DLG2: variants seen among roughly 807,000 people sequenced by gnomAD.
DLG2 encodes the protein disks large homolog 2.
A neutral mutation model predicts 132.5 loss-of-function variants in DLG2; 45 were observed. That is an observed-to-expected ratio of 0.34 (90% CI 0.27 to 0.44). The LOEUF (loss-of-function observed/expected upper bound fraction) is 0.44, where lower values mean the gene tolerates loss of function less well. Among genes scored for constraint, DLG2 ranks in the 20% least tolerant of loss-of-function variants. The pLI, the probability that DLG2 is intolerant of heterozygous loss-of-function variation, is 1.00. For synonymous variants in DLG2, 424 were observed against 419.6 expected, an observed-to-expected ratio of 1.01 and a Z score of -0.13; for missense variants, 1,045 against 1,196.9, an observed-to-expected ratio of 0.87 and a Z score of 1.87.
intron 15 of DLG2, among the ~76,000 whole-genome samples, chr11:83,909,540 G>A (rs1402911231): frequency 6.6e-6 from 1 of 152,106 alleles, no homozygotes. Flanking sequence ...AAAGCCGTAA[G>A]GTCATATAAT....
chr11:85,189,040 T>C (rs2080330395), intron 4 of DLG2, among the ~76,000 whole-genome samples: 1 of 151,902 alleles, frequency 6.6e-6, no homozygotes, highest in South Asian at 2.1e-4. Context: ...TCTAAATACA[T>C]CACAGAAAAA....
chr11:85,546,867 C>T (rs983218227), intron 3 of DLG2, among the ~76,000 whole-genome samples: 1 of 71,116 alleles, frequency 1.4e-5, no homozygotes, highest in African/African-American at 5.5e-5. Context: ...GTAAATATTT[C>T]TCCATCCCTT....
chr11:85,309,532 G>T (rs553333909), intron 3 of DLG2, among the ~76,000 whole-genome samples: 1 of 151,610 alleles, frequency 6.6e-6, no homozygotes, highest in Non-Finnish European at 1.5e-5. Flanking sequence ...GTTTCTAATT[G>T]TTACTAAGAA....
At chr11:85,251,903 T>C (rs1269138047) in intron 4 of DLG2, among the ~76,000 whole-genome samples, 1 of 152,204 alleles carries the variant, frequency 6.6e-6, no homozygotes, top group African/African-American at 2.4e-5. Context: ...AACCTAATTT[T>C]GTATTGGTAA....
At chr11:85,106,982 T>C (rs1304107415) in intron 6 of DLG2, among the ~76,000 whole-genome samples, 1 of 152,054 alleles carries the variant, frequency 6.6e-6, no homozygotes, top group Non-Finnish European at 1.5e-5. Context: ...CACATTGTTT[T>C]CTGCTATACA....
intron 5 of DLG2, among the ~76,000 whole-genome samples, chr11:85,139,765 C>G (rs1181960760): frequency 6.6e-6 from 1 of 151,940 alleles, no homozygotes; most frequent in Non-Finnish European, 1.5e-5. Context: ...TTTGTATCCT[C>G]CAGCCTACAT....
chr11:84,380,116 C>T (rs2154433682), intron 7 of DLG2, among the ~76,000 whole-genome samples: 1 of 151,914 alleles, frequency 6.6e-6, no homozygotes, highest in Non-Finnish European at 1.5e-5. Context: ...AAAATAAAAA[C>T]ATTTTTGGAC....
chr11:85,529,169 C>A (rs551747932), intron 3 of DLG2, among the ~76,000 whole-genome samples: 1 of 152,258 alleles, frequency 6.6e-6, no homozygotes, highest in African/African-American at 2.4e-5. Context: ...ATCCCTCATT[C>A]CTGCTTTGAG....
chr11:84,203,581 CAAAAA>C (rs58934857), intron 8 of DLG2, among the ~76,000 whole-genome samples: 1 of 99,410 alleles, frequency 1.0e-5, no homozygotes, highest in African/African-American at 4.2e-5. Flanking sequence ...GACTCCGTCT[CAAAAA>C]AAAAAAAAAA....
intron 6 of DLG2, among the ~76,000 whole-genome samples, chr11:84,881,628 A>G (rs555985520): frequency 6.6e-6 from 1 of 152,122 alleles, no homozygotes; most frequent in South Asian, 2.1e-4. Flanking sequence ...AAATGCCCAT[A>G]GCTTTCCCCA....
intron 6 of DLG2, among the ~76,000 whole-genome samples, chr11:84,839,163 A>G (rs1048996851): frequency 1.2e-4 from 18 of 152,130 alleles, no homozygotes; most frequent in Non-Finnish European, 2.1e-4. Context: ...TACAAAATCA[A>G]TGTGCAAAAA....
At chr11:84,972,092 A>G (rs1184438201) in intron 6 of DLG2, among the ~76,000 whole-genome samples, 3 of 152,090 alleles carry the variant, frequency 2.0e-5, no homozygotes, top group Non-Finnish European at 2.9e-5. Flanking sequence ...GCCACACAAC[A>G]CACACACACT....
intron 3 of DLG2, among the ~76,000 whole-genome samples, chr11:85,467,659 C>A (rs2092837458): frequency 6.6e-6 from 1 of 152,150 alleles, no homozygotes; most frequent in Non-Finnish European, 1.5e-5. Context: ...AGGGATGAAG[C>A]CCACTTGATC....
At chr11:83,486,425 T>C (rs2093512405) in intron 21 of DLG2, among the ~76,000 whole-genome samples, 1 of 151,844 alleles carries the variant, frequency 6.6e-6, no homozygotes, top group African/African-American at 2.4e-5. Flanking sequence ...GGTGAAAATG[T>C]AGACAGAGAG....
At chr11:84,286,039 C>T (rs907222209) in intron 7 of DLG2, among the ~76,000 whole-genome samples, 6 of 152,110 alleles carry the variant, frequency 3.9e-5, no homozygotes, top group Non-Finnish European at 8.8e-5. Flanking sequence ...CATCAATAAA[C>T]GGTAGACCTA....
At position 83,721,863 on chromosome 11, in the gene DLG2, T is replaced by C. The variant is rs61900023; in HGVS notation, c.1825+64827A>G. On this transcript the variant is annotated intron_variant, in intron 18 of 27. Transcript: ENST00000376104. Reference sequence around the variant, plus strand: ...AAGGATGAAAATGTCCCAGAGAATATGATACTGGCAAAAAAATTTACATTG... The same window carrying C: ...AAGGATGAAAATGTCCCAGAGAATACGATACTGGCAAAAAAATTTACATTG... Among the ~76,000 whole-genome samples the C allele has an allele frequency of 4.0e-3, 615 of 152,246 alleles. 2 individuals carry two copies. Among genetic ancestry groups the C allele is most frequent in the Middle Eastern group, 0.014 (4 of 294 alleles).
At chr11:85,176,944 A>C (rs975024311) in intron 4 of DLG2, among the ~76,000 whole-genome samples, 3 of 152,164 alleles carry the variant, frequency 2.0e-5, no homozygotes, top group Non-Finnish European at 4.4e-5. Context: ...CGATTATTAA[A>C]GTCAAGAAAC....
chr11:83,914,254 A>T (rs2076554259), intron 15 of DLG2, among the ~76,000 whole-genome samples: 1 of 152,086 alleles, frequency 6.6e-6, no homozygotes, highest in Non-Finnish European at 1.5e-5. Context: ...GTAAAAAACA[A>T]TCTGGCATCT....
At chr11:84,118,607 A>C (rs750843756) in intron 9 of DLG2, among the ~76,000 whole-genome samples, 1 of 152,262 alleles carries the variant, frequency 6.6e-6, no homozygotes, top group Non-Finnish European at 1.5e-5. Context: ...AAACTGAATT[A>C]AAGTGCAGCA....
Sources: gnomAD v4.1 joint callset for allele counts (sites outside exome capture counted in the v4.1 genomes callset) on GRCh38, gnomAD v4.1.1 for gene constraint, MANE v1.5 for transcripts, NCBI Gene and HGNC (gene_info 2026-07-23, HGNC 2026-07-21) for gene names.